The following BRWD1 variants were observed in gnomAD, a reference collection of about 807,000 sequenced individuals.
BRWD1 encodes bromodomain and WD repeat domain containing 1.
A neutral mutation model predicts 251.2 loss-of-function variants in BRWD1; 82 were observed. The observed-to-expected ratio is 0.33, with a 90% CI of 0.27 to 0.39. The LOEUF is 0.39. BRWD1 is among the 10% of genes least tolerant of loss of function. The pLI is 1.00. For synonymous variants in BRWD1, 918 were observed against 902.8 expected (o/e 1.02, Z -0.30); for missense variants, 2,233 against 2,711.6 (o/e 0.82, Z 3.92).
chr21:39,279,174 TAA>T (rs1404924222), intron 9 of BRWD1, among the ~76,000 whole-genome samples: 1 of 152,214 alleles, frequency 6.6e-6, no homozygotes, highest in African/African-American at 2.4e-5. Context: ...TCCAAATCAA[TAA>T]AATTATAAGA....
At chr21:39,304,775 T>C (rs1406635391) in intron 4 of BRWD1, among the ~76,000 whole-genome samples, 2 of 152,032 alleles carry the variant, frequency 1.3e-5, no homozygotes, top group East Asian at 3.8e-4. Flanking sequence ...CAAAAGAAGT[T>C]GGTGTGGCTA....
At chr21:39,234,254 G>C (rs1293171989) in intron 23 of BRWD1, among the ~76,000 whole-genome samples, 4 of 152,090 alleles carry the variant, frequency 2.6e-5, no homozygotes, top group Non-Finnish European at 4.4e-5. Flanking sequence ...CAGTCTACTG[G>C]GTAATACAGA....
At chr21:39,313,982 A>G (rs1393944835), upstream of BRWD1, 3 of 411,858 alleles carry the variant, frequency 7.3e-6, no homozygotes, top group East Asian at 2.4e-4. Flanking sequence ...GGGGCGATTC[A>G]CCGCCGCCCC....
rs759397434 is a variant in BRWD1 at position 39,269,917 on chromosome 21, C to G, written c.1512G>C (p.Met504Ile). The change falls in exon 15 of 41, where the codon ATG becomes ATC. Residue 504 changes from methionine to isoleucine, a missense_variant. This residue lies in a region of BRWD1 where 315 missense variants were observed against 421.8 expected (regional missense o/e 0.75). Coordinates refer to ENST00000342449, the MANE Select transcript of BRWD1 (RefSeq NM_033656.4). ...FIWDITKGTK[M>I]KHYFNMIEGQ... Reference sequence around the variant, plus strand: ...CACTTACCATATTAAAATAATGTTTCATCTTGGTACCTTTTGTAATATCCC... The same window carrying G: ...CACTTACCATATTAAAATAATGTTTGATCTTGGTACCTTTTGTAATATCCC... 41 of 1,530,022 alleles carry G rather than the reference C, an allele frequency of 2.7e-5. No individual in the cohort carries two copies. In the Admixed American group the frequency reaches 5.1e-4, roughly 19 times the overall value. The allele number at this position is 1,530,022 out of a possible 1,614,324, so 94.8% of individuals were successfully genotyped here.
At chr21:39,202,956 G>A (rs1454886088) in intron 37 of BRWD1, among the ~76,000 whole-genome samples, 2 of 152,138 alleles carry the variant, frequency 1.3e-5, no homozygotes, top group Non-Finnish European at 2.9e-5. Flanking sequence ...TGGTTAAGAG[G>A]AGAAATCAAC....
intron 4 of BRWD1, among the ~76,000 whole-genome samples, chr21:39,300,580 T>C (rs1455344150): frequency 1.3e-5 from 2 of 152,216 alleles, no homozygotes; most frequent in African/African-American, 4.8e-5. Flanking sequence ...CAAATTAGAT[T>C]GACCCTGTCT....
In BRWD1 at chr21:39,192,935, A is replaced by G; in HGVS notation, c.*3324T>C. 1 of 984,196 alleles carries G rather than the reference A, an allele frequency of 1.0e-6. No homozygotes were observed. Among genetic ancestry groups the G allele is most frequent in the East Asian group, 1.1e-4 (1 of 8,810 alleles). The allele number at this position is 984,196 out of a possible 1,614,324, so 61.0% of individuals were successfully genotyped here. A position where few individuals can be genotyped will look rare whatever the true frequency, so the allele number is the denominator to read the frequency against. ...ATTGTTTTCTGATTCTTCTACAAAAAAAAAAGTCTAGAAGACAGAGGGAAT... is the reference window on the plus strand; with the variant it reads ...ATTGTTTTCTGATTCTTCTACAAAAGAAAAAGTCTAGAAGACAGAGGGAAT... On this transcript the variant is annotated 3_prime_UTR_variant, in exon 41 of 41. Transcript: ENST00000342449.
rs1009540601 is a variant in BRWD1 at position 39,189,411 on chromosome 21, A to C, written c.*6848T>G. 1.0e-6 allele frequency: 1 copy of C among 971,476 alleles called. No individual in the cohort carries two copies. The highest frequency in any genetic ancestry group is 1.8e-5 in the African/African-American group (1 of 56,900). 60.2% of individuals were successfully genotyped at this position (971,476 alleles called of 1,614,324 possible). A position where few individuals can be genotyped will look rare whatever the true frequency, so the allele number is the denominator to read the frequency against. On this transcript the variant is annotated 3_prime_UTR_variant, in exon 41 of 41. Transcript: ENST00000342449. Reference sequence around the variant, plus strand: ...TACTGACAATTTAGGAACCTAGTAAATACTAATTCTAACACATTTTAATAA... The same window carrying C: ...TACTGACAATTTAGGAACCTAGTAACTACTAATTCTAACACATTTTAATAA...
intron 25 of BRWD1, among the ~76,000 whole-genome samples, chr21:39,230,367 T>G (rs919236030): frequency 4.6e-5 from 7 of 152,186 alleles, no homozygotes; most frequent in African/African-American, 1.7e-4. Context: ...ATTATTATAA[T>G]GTACCAAACA....
chr21:39,259,138 A>G (rs1017026041), intron 17 of BRWD1, among the ~76,000 whole-genome samples: 1 of 152,180 alleles, frequency 6.6e-6, no homozygotes, highest in African/African-American at 2.4e-5. Flanking sequence ...ACCTTTTTTA[A>G]GCCTTCAACA....
rs2031200620 is a variant in BRWD1 at position 39,185,817 on chromosome 21, A to G, written c.*10442T>C. 1 of 152,172 alleles carries G rather than the reference A, an allele frequency of 6.6e-6. No individual in the cohort carries two copies. The highest frequency in any genetic ancestry group is 1.5e-5 in the Non-Finnish European group (1 of 68,000). 9.4% of individuals were successfully genotyped at this position (152,172 alleles called of 1,614,324 possible). A position where few individuals can be genotyped will look rare whatever the true frequency, so the allele number is the denominator to read the frequency against. ...AAATCATATATTCAGATATTTTTAA[A>G]TGGGAAAACAACTTACTTTCAACAA... is the stretch of plus-strand genomic sequence containing the variant. On this transcript the variant is annotated 3_prime_UTR_variant, in exon 41 of 41. Coordinates refer to ENST00000342449, the MANE Select transcript of BRWD1 (RefSeq NM_033656.4).
intron 10 of BRWD1, chr21:39,278,427 A>G (rs1325964933): frequency 2.5e-5 from 7 of 277,176 alleles, no homozygotes; most frequent in Non-Finnish European, 4.6e-5. Context: ...TACACAGTTT[A>G]GCCTATTCAA....
chr21:39,290,853 A>C (rs777941934), intron 8 of BRWD1, among the ~76,000 whole-genome samples: 5 of 152,092 alleles, frequency 3.3e-5, no homozygotes, highest in Non-Finnish European at 7.4e-5. Flanking sequence ...CTATCTCAGC[A>C]AGGCACGGTG....
chr21:39,237,963 A>C (rs1008109901), intron 22 of BRWD1, among the ~76,000 whole-genome samples: 2 of 152,312 alleles, frequency 1.3e-5, no homozygotes, highest in African/African-American at 4.8e-5. Flanking sequence ...CAATTAAAAA[A>C]AAAAGAAAGA....
chr21:39,206,191 T>A lies in BRWD1; in HGVS notation c.4281A>T (p.Lys1427Asn), dbSNP rs778338032. 1 of 1,613,446 alleles carries A rather than the reference T, an allele frequency of 6.2e-7. No individual in the cohort carries two copies. Among genetic ancestry groups the A allele is most frequent in the Non-Finnish European group, 8.5e-7 (1 of 1,179,588 alleles). Residue 1427 changes from lysine (K) to asparagine (N), a missense_variant, in exon 37 of 41, where the codon AAA (lysine) becomes AAT (asparagine). Transcript: ENST00000342449. ...GGCTTCTTCGAAGTTTTTCATTGAA[T>A]TTTTGACCAATTTTAAAATCAGAAG... ...KISSDFKIGQ[K>N]FNEKLRRSQR...
At chr21:39,312,978 C>CGGGCGGCCGGG in intron 3 of BRWD1, 78 bp from the exon 4 acceptor site, 3 of 380,650 alleles carry the variant, frequency 7.9e-6, no homozygotes, top group Non-Finnish European at 1.0e-5. Flanking sequence ...CGGGGGCGGG[C>CGGGCGGCCGGG]GGCGGGCGGC....
At chr21:39,315,003 A>T (rs1301646492), upstream of BRWD1, 1 of 152,154 alleles carries the variant, frequency 6.6e-6, no homozygotes, top group African/African-American at 2.4e-5. Flanking sequence ...CCAAATAGCA[A>T]AAGCTTTTAT....
chr21:39,285,896 A>G (rs2035619497), intron 8 of BRWD1, among the ~76,000 whole-genome samples: 1 of 148,246 alleles, frequency 6.7e-6, no homozygotes, highest in Non-Finnish European at 1.5e-5. Flanking sequence ...AAAAAAAAGA[A>G]TGTATTCGTC....
chr21:39,236,823 A>G, intron 22 of BRWD1, 39 bp from the exon 23 acceptor site: 1 of 1,539,932 alleles, frequency 6.5e-7, no homozygotes, highest in African/African-American at 1.4e-5. Context: ...TGGAGCCAGA[A>G]TATAAGCACT....
Sources: allele counts gnomAD v4.1 joint callset (sites outside exome capture counted in the v4.1 genomes callset), GRCh38; gene constraint gnomAD v4.1.1; regional missense constraint gnomAD v4.1.1; transcripts MANE v1.5; gene names NCBI Gene and HGNC (gene_info 2026-07-23, HGNC 2026-07-21).